LRP1B: variants seen among roughly 807,000 people sequenced by gnomAD.
The protein encoded by LRP1B is LDL receptor related protein 1B, also known as low-density lipoprotein receptor-related protein 1B.
Under a neutral mutation model 556.6 loss-of-function variants are expected in LRP1B, and 217 were observed. The ratio of observed to expected loss-of-function variants is 0.39; its 90% CI spans 0.35 to 0.44. The LOEUF (loss-of-function observed/expected upper bound fraction) is 0.44, where lower values mean the gene tolerates loss of function less well. Among genes scored for constraint, LRP1B ranks in the 20% least tolerant of loss-of-function variants. The pLI is 1.00. For missense variants in LRP1B, 5,053 were observed against 5,620.8 expected (o/e 0.90, Z 3.23); for synonymous variants, 2,047 against 1,865.8 (o/e 1.10, Z -2.50).
rs1688285890 is a variant in LRP1B at position 141,616,042 on chromosome 2, G to C, written c.206-135509C>G. 2.0e-5 allele frequency among the ~76,000 whole-genome samples: 3 copies of C among 152,168 alleles called. 1 individual carries two copies. Among genetic ancestry groups the C allele is most frequent in the Admixed American group, 2.0e-4 (3 of 15,276 alleles). On this transcript the variant is annotated intron_variant, in intron 2 of 90. Transcript: ENST00000389484. ...CTCACGCCTGTAATCCCAGCACTTT[G>C]GGAGGCCGAGATGGGCGGACCACGA...
At chr2:141,465,594 G>T (rs1682159436) in intron 3 of LRP1B, among the ~76,000 whole-genome samples, 1 of 147,696 alleles carries the variant, frequency 6.8e-6, no homozygotes, top group Admixed American at 7.0e-5. Context: ...CTATCGCCCA[G>T]GCTGGAGTGC....
At chr2:141,282,640 C>G (rs1215075252) in intron 3 of LRP1B, among the ~76,000 whole-genome samples, 1 of 151,164 alleles carries the variant, frequency 6.6e-6, no homozygotes, top group Admixed American at 6.6e-5. Context: ...TTAATCAAGC[C>G]TTTATCATGA....
At chr2:141,480,243 T>C in intron 3 of LRP1B, 153 bp downstream of exon 3, 1 of 791,262 alleles carries the variant, frequency 1.3e-6, no homozygotes, top group Non-Finnish European at 2.1e-6. Flanking sequence ...AGCTTTGAAA[T>C]GCATATTAAA....
chr2:140,790,789 C>A (rs1452179235), intron 32 of LRP1B, among the ~76,000 whole-genome samples: 1 of 152,106 alleles, frequency 6.6e-6, no homozygotes, highest in Non-Finnish European at 1.5e-5. Context: ...CCTGCAAAAT[C>A]TCTGAGGCAA....
intron 4 of LRP1B, among the ~76,000 whole-genome samples, chr2:141,250,357 A>C (rs1481219716): frequency 6.6e-6 from 1 of 152,098 alleles, no homozygotes; most frequent in Non-Finnish European, 1.5e-5. Context: ...CCTGACCTCC[A>C]GTGAGAAGAA....
At chr2:140,609,867 T>G (rs1302805348) in intron 41 of LRP1B, among the ~76,000 whole-genome samples, 1 of 152,122 alleles carries the variant, frequency 6.6e-6, no homozygotes, top group Non-Finnish European at 1.5e-5. Context: ...TAAAAAAGCA[T>G]GTATCATATC....
At chr2:140,843,861 G>A (rs1017663361) in intron 29 of LRP1B, among the ~76,000 whole-genome samples, 3 of 152,026 alleles carry the variant, frequency 2.0e-5, no homozygotes, top group Admixed American at 6.6e-5. Context: ...TTGAGGGCAG[G>A]CTCCTTGCTA....
chr2:140,826,371 C>T (rs1691508634), intron 31 of LRP1B, among the ~76,000 whole-genome samples: 1 of 152,080 alleles, frequency 6.6e-6, no homozygotes, highest in Non-Finnish European at 1.5e-5. Context: ...CAAAAATATG[C>T]ATGTTAGGTT....
chr2:141,613,425 C>T (rs1175064508), intron 2 of LRP1B, among the ~76,000 whole-genome samples: 1 of 152,134 alleles, frequency 6.6e-6, no homozygotes, highest in African/African-American at 2.4e-5. Context: ...TTTCACACCG[C>T]CACATGAACT....
intron 1 of LRP1B, among the ~76,000 whole-genome samples, chr2:141,938,961 T>A (rs528478560): frequency 2.6e-5 from 4 of 151,928 alleles, no homozygotes; most frequent in African/African-American, 9.6e-5. Context: ...TACACAGAAA[T>A]AGAGTGTTGA....
intron 1 of LRP1B, among the ~76,000 whole-genome samples, chr2:141,907,852 A>G (rs1025487477): frequency 2.0e-5 from 3 of 151,934 alleles, no homozygotes. Context: ...TCTTGGATCC[A>G]TAAATGGCTT....
At chr2:140,947,311 A>G (rs1695575238) in intron 20 of LRP1B, among the ~76,000 whole-genome samples, 1 of 152,160 alleles carries the variant, frequency 6.6e-6, no homozygotes. Context: ...TTACTATTAA[A>G]AGTCAATTTA....
intron 2 of LRP1B, among the ~76,000 whole-genome samples, chr2:141,573,909 C>T (rs764771614): frequency 6.6e-6 from 1 of 152,034 alleles, no homozygotes; most frequent in African/African-American, 2.4e-5. Flanking sequence ...GAAATTGAAT[C>T]CCTGAATAGA....
Position 141,369,309 on chromosome 2 carries a change from A to G in LRP1B, c.343+111087T>C, listed in dbSNP as rs141761158. On this transcript the variant is annotated intron_variant, in intron 3 of 90. Coordinates refer to ENST00000389484, the MANE Select transcript of LRP1B (RefSeq NM_018557.3). ...CTGAAAACCTACCACCTAATTTTCAAACATTTACATCAAGAGATAGGTAAC... is the reference window on the plus strand; with the variant it reads ...CTGAAAACCTACCACCTAATTTTCAGACATTTACATCAAGAGATAGGTAAC... Among the ~76,000 whole-genome samples, 624 of 152,274 alleles carry G rather than the reference A, an allele frequency of 4.1e-3. 2 individuals are homozygous for G. The highest frequency in any genetic ancestry group is 0.014 in the African/African-American group (576 of 41,580).
intron 2 of LRP1B, among the ~76,000 whole-genome samples, chr2:141,769,064 T>C (rs1694818967): frequency 6.6e-6 from 1 of 152,192 alleles, no homozygotes; most frequent in Admixed American, 6.5e-5. Flanking sequence ...GACAACTATC[T>C]GTAATTCAAA....
At chr2:141,544,331 CT>C (rs1307457054) in intron 2 of LRP1B, among the ~76,000 whole-genome samples, 12 of 29,498 alleles carry the variant, frequency 4.1e-4, no homozygotes, top group Non-Finnish European at 8.0e-4. Context: ...TCTTCTTCTT[CT>C]TCTTCTTCTT....
intron 17 of LRP1B, among the ~76,000 whole-genome samples, chr2:140,985,783 G>C (rs6750797): frequency 8.6e-5 from 13 of 151,556 alleles, no homozygotes; most frequent in African/African-American, 1.2e-4. Flanking sequence ...ATCTAGAAAG[G>C]TATAGGAAAT....
At chr2:141,701,015 TCTC>T (rs1479019567) in intron 2 of LRP1B, among the ~76,000 whole-genome samples, 1 of 151,696 alleles carries the variant, frequency 6.6e-6, no homozygotes, top group Non-Finnish European at 1.5e-5. Flanking sequence ...AGAATCTAAT[TCTC>T]CTCTTTGTTT....
rs1359800296 is a variant in LRP1B, at chr2:140,852,854, G to T, written c.4580-1071C>A. ...TTCTGTCATCATGTCTTTTGGATAA[G>T]ATTTTAATTTATCTAGTATCTTTAA... On this transcript the variant is annotated intron_variant, in intron 27 of 90. Coordinates refer to ENST00000389484, the MANE Select transcript of LRP1B (RefSeq NM_018557.3). 2.6e-5 allele frequency among the ~76,000 whole-genome samples: 4 copies of T among 151,746 alleles called. No individual in the cohort carries two copies. In the East Asian group the frequency reaches 7.7e-4, roughly 29 times the overall value.
Sources: gnomAD v4.1 joint callset for allele counts (sites outside exome capture counted in the v4.1 genomes callset) on GRCh38, gnomAD v4.1.1 for gene constraint, MANE v1.5 for transcripts, NCBI Gene and HGNC (gene_info 2026-07-23, HGNC 2026-07-21) for gene names.